Variants in VCP observed in about 807,000 individuals in gnomAD.
VCP encodes the protein valosin containing protein, also known as transitional endoplasmic reticulum ATPase.
VCP carries 6 observed loss-of-function variants against 85.7 expected under a neutral mutation model. That is an observed-to-expected ratio of 0.07 (90% CI 0.04 to 0.14). The LOEUF (loss-of-function observed/expected upper bound fraction) is 0.14, where lower values mean the gene tolerates loss of function less well. Ranked by LOEUF, VCP falls within the 10% of genes least tolerant of loss-of-function variation. VCP has a pLI of 1.00. For synonymous variants in VCP, 384 were observed against 367.1 expected, an observed-to-expected ratio of 1.05 and a Z score of -0.53; for missense variants, 353 against 1,043.4, an observed-to-expected ratio of 0.34 and a Z score of 9.12.
Position 35,072,184 on chromosome 9 carries a change from T to C in VCP, c.17+153A>G. ...GCTGGCCCCAGCCGGGCCTGCCGGG[T>C]CCACGGCCCCTCACTCGCCCCCTAG... On this transcript the variant is annotated intron_variant, in intron 1 of 16. Transcript: ENST00000358901. 2.1e-6 allele frequency: 3 copies of C among 1,423,410 alleles called. No individual in the cohort carries two copies. The South Asian group carries it at 4.0e-5, about 19-fold the overall frequency. The allele number at this position is 1,423,410 out of a possible 1,614,324, so 88.2% of individuals were successfully genotyped here. A position where few individuals can be genotyped will look rare whatever the true frequency, so the allele number is the denominator to read the frequency against.
At chr9:35,057,930 C>G (rs1337810318) in intron 15 of VCP, 2 of 318,024 alleles carry the variant, frequency 6.3e-6, no homozygotes, top group East Asian at 1.7e-4. Context: ...CCTTAATAAA[C>G]CTTAATACTT....
chr9:35,068,630 T>A (rs1042962626), intron 1 of VCP, among the ~76,000 whole-genome samples: 2 of 152,112 alleles, frequency 1.3e-5, no homozygotes, highest in East Asian at 1.9e-4. Flanking sequence ...CAGAAAATAA[T>A]GGCCTAAGAA....
At chr9:35,060,674 C>T in intron 12 of VCP, 127 bp downstream of exon 12, 2 of 1,574,792 alleles carry the variant, frequency 1.3e-6, no homozygotes, top group Non-Finnish European at 1.7e-6. Context: ...TGCCTCAAAC[C>T]TAAGAACAGT....
chr9:35,069,835 A>G (rs1214304298), intron 1 of VCP, among the ~76,000 whole-genome samples: 4 of 152,238 alleles, frequency 2.6e-5, no homozygotes, highest in Non-Finnish European at 5.9e-5. Context: ...CCAGACAATG[A>G]AGGAAGCAAA....
chr9:35,071,954 G>A (rs1409093980), intron 1 of VCP: 6 of 1,056,444 alleles, frequency 5.7e-6, no homozygotes, highest in Non-Finnish European at 4.6e-6. Context: ...GGCTTTCGGC[G>A]GGTGGTAGGC....
Position 35,057,060 on chromosome 9 carries a change from C to A in VCP, c.*57G>T. 6.3e-7 allele frequency: 1 copy of A among 1,587,636 alleles called. No individual in the cohort carries two copies. ...GGTCCCTCTCCTGGGCAAGCGCCCC[C>A]ACCCCCAGGGAACAAGGTCCAGGCA... On this transcript the variant is annotated 3_prime_UTR_variant, in exon 17 of 17. Coordinates refer to ENST00000358901, the MANE Select transcript of VCP (RefSeq NM_007126.5).
At position 35,062,851 on chromosome 9, in the gene VCP, A is replaced by AT. The variant is rs762651081; in HGVS notation, c.811+126dup. ...TCTTCTGTCTGTAACATACCCCAGC[A>AT]TAAGAAATATGCTATAAACATGAAG... On this transcript the variant is annotated intron_variant, in intron 7 of 16. Transcript: ENST00000358901. 4.1e-4 allele frequency: 364 copies of AT among 897,362 alleles called. 4 individuals carry two copies. The highest frequency in any genetic ancestry group is 8.0e-5 in the Non-Finnish European group (43 of 535,040). The allele number at this position is 897,362 out of a possible 1,614,324, so 55.6% of individuals were successfully genotyped here.
chr9:35,069,900 T>TTTA (rs1380715069), intron 1 of VCP, among the ~76,000 whole-genome samples: 13 of 152,344 alleles, frequency 8.5e-5, no homozygotes, highest in African/African-American at 3.1e-4. Flanking sequence ...GAGTCTCTAT[T>TTTA]ATGTACCAGG....
chr9:35,061,216 G>C, intron 10 of VCP, 37 bp from the exon 11 acceptor site: 3 of 1,611,926 alleles, frequency 1.9e-6, no homozygotes, highest in Non-Finnish European at 2.5e-6. Flanking sequence ...CTGCCTCAAA[G>C]ACCCAGCTGC....
chr9:35,060,507 C>G lies in VCP; in HGVS notation c.1501G>C (p.Asp501His). The change falls in exon 13 of 17, where the codon GAC (aspartate) becomes CAC (histidine). Residue 501 changes from aspartate to histidine, a missense_variant. Transcript: ENST00000358901. ...GTCATGCCAAACTTCAGGAATTTGTCTGGGTGCTCCACAGGATACTAGGAG... is the reference window on the plus strand; with the variant it reads ...GTCATGCCAAACTTCAGGAATTTGTGTGGGTGCTCCACAGGATACTAGGAG... ...ELVQYPVEHP[D>H]KFLKFGMTPS... The G allele has an allele frequency of 6.2e-7, 1 of 1,614,152 alleles. No homozygotes were observed. Among genetic ancestry groups the G allele is most frequent in the Non-Finnish European group, 8.5e-7 (1 of 1,180,036 alleles).
chr9:35,072,237 C>G, intron 1 of VCP, 100 bp downstream of exon 1: 3 of 1,465,112 alleles, frequency 2.0e-6, no homozygotes, highest in Non-Finnish European at 2.7e-6. Flanking sequence ...CTGGTCTCCA[C>G]CTCTCTGACG....
At chr9:35,071,870 T>C (rs1336255592) in intron 1 of VCP, 3 of 993,532 alleles carry the variant, frequency 3.0e-6, no homozygotes, top group East Asian at 1.1e-4. Context: ...GGCCTTCACA[T>C]GGCGCAAAGT....
At chr9:35,061,390 T>A (rs1457738732) in intron 10 of VCP, among the ~76,000 whole-genome samples, 187 bp downstream of exon 10, 1 of 152,228 alleles carries the variant, frequency 6.6e-6, no homozygotes, top group Non-Finnish European at 1.5e-5. Context: ...TCTGATTTAC[T>A]CTAAATGCAG....
intron 7 of VCP, among the ~76,000 whole-genome samples, 185 bp downstream of exon 7, chr9:35,062,793 G>A (rs1037773952): frequency 1.3e-5 from 2 of 152,118 alleles, no homozygotes; most frequent in African/African-American, 2.4e-5. Context: ...GCAGGACAGG[G>A]AGCACCAATG....
At position 35,072,412 on chromosome 9, in the gene VCP, T is replaced by C. The variant is rs2131047606; in HGVS notation, c.-59A>G. On this transcript the variant is annotated 5_prime_UTR_variant, in exon 1 of 17. Coordinates refer to ENST00000358901, the MANE Select transcript of VCP (RefSeq NM_007126.5). ...GCCCGCGGGTAACGGCTACGAGCGGTGGCAAGCGACCGACTGGGCCGGGGC... is the reference window on the plus strand; with the variant it reads ...GCCCGCGGGTAACGGCTACGAGCGGCGGCAAGCGACCGACTGGGCCGGGGC... 2 of 1,454,136 alleles carry C rather than the reference T, an allele frequency of 1.4e-6. No homozygotes were observed. Among genetic ancestry groups the C allele is most frequent in the Non-Finnish European group, 1.8e-6 (2 of 1,108,788 alleles). 90.1% of individuals were successfully genotyped at this position (1,454,136 alleles called of 1,614,324 possible).
chr9:35,056,826 T>TCC lies in VCP; in HGVS notation c.*289_*290dup, dbSNP rs1240082397. The TCC allele has an allele frequency of 2.5e-6, 1 of 405,480 alleles. No homozygotes were observed. 25.1% of individuals were successfully genotyped at this position (405,480 alleles called of 1,614,324 possible). A position where few individuals can be genotyped will look rare whatever the true frequency, so the allele number is the denominator to read the frequency against. ...TGCCTTGGTTCACACCCCACACAGG[T>TCC]CCCCTGCACTGCCCCAAACTACAAC... On this transcript the variant is annotated 3_prime_UTR_variant, in exon 17 of 17. Transcript: ENST00000358901.
intron 15 of VCP, 198 bp from the exon 16 acceptor site, chr9:35,057,728 G>C (rs1273794921): frequency 1.5e-6 from 1 of 683,942 alleles, no homozygotes; most frequent in African/African-American, 1.8e-5. Context: ...AGGGAAAACT[G>C]TAGGGACAGA....
In VCP at chr9:35,057,171, G is replaced by T. The variant is rs373949207; in HGVS notation, c.2367C>A (p.Gly789=). 6.2e-7 allele frequency: 1 copy of T among 1,614,164 alleles called. No individual in the cohort carries two copies. Among genetic ancestry groups the T allele is most frequent in the South Asian group, 1.1e-5 (1 of 91,086 alleles). Residue 789 remains glycine, a synonymous_variant, in exon 17 of 17, where the codon GGC becomes GGA. Coordinates refer to ENST00000358901, the MANE Select transcript of VCP (RefSeq NM_007126.5). ...GGAGPSQGSG[G]GTGGSVYTED... is the part of the protein sequence containing the mutation. Reference sequence around the variant, plus strand: ...CTGTGTATACACTGCCACCTGTGCCGCCTCCACTGCCCTGACTGGGGCCAG... The same window carrying T: ...CTGTGTATACACTGCCACCTGTGCCTCCTCCACTGCCCTGACTGGGGCCAG...
At chr9:35,071,469 C>T (rs1454932148) in intron 1 of VCP, among the ~76,000 whole-genome samples, 1 of 151,806 alleles carries the variant, frequency 6.6e-6, no homozygotes, top group Non-Finnish European at 1.5e-5. Context: ...AGTGCGCGCA[C>T]GTTTGTGTTT....
Sources: allele counts gnomAD v4.1 joint callset (sites outside exome capture counted in the v4.1 genomes callset), GRCh38; gene constraint gnomAD v4.1.1; transcripts MANE v1.5; gene names NCBI Gene and HGNC (gene_info 2026-07-23, HGNC 2026-07-21).